The following SKP1 variants were observed in gnomAD, a reference collection of about 807,000 sequenced individuals.
The protein encoded by SKP1 is S-phase kinase-associated protein 1.
SKP1 carries 1 observed loss-of-function variant against 21.5 expected under a neutral mutation model. The observed-to-expected ratio is 0.05, with a 90% CI of 0.02 to 0.22. The LOEUF (loss-of-function observed/expected upper bound fraction) is 0.22, where lower values mean the gene tolerates loss of function less well. Ranked by LOEUF, SKP1 falls within the 10% of genes least tolerant of loss-of-function variation. SKP1 has a pLI of 1.00. For missense variants in SKP1, 70 were observed against 192.0 expected (o/e 0.36, Z 3.76); for synonymous variants, 59 against 59.3 (o/e 0.99, Z 0.03).
intron 4 of SKP1, among the ~76,000 whole-genome samples, chr5:134,160,735 G>A (rs986119070): frequency 6.6e-6 from 1 of 152,074 alleles, no homozygotes; most frequent in Admixed American, 6.5e-5. Flanking sequence ...ACCTAGTTCT[G>A]TCTATATATT....
Position 134,151,953 on chromosome 5 carries a change from C to T in SKP1, c.*5780G>A, listed in dbSNP as rs776755307. On this transcript the variant is annotated 3_prime_UTR_variant, in exon 6 of 6. Coordinates refer to ENST00000353411, the MANE Select transcript of SKP1 (RefSeq NM_170679.3). ...ATGCCTCAGCAGAAAGGATAACATT[C>T]AGCCAATCCTGCTTAGGTGTCCAAA... The T allele has an allele frequency of 3.6e-5, 10 of 276,062 alleles. No individual in the cohort carries two copies. Among genetic ancestry groups the T allele is most frequent in the Non-Finnish European group, 5.2e-5 (7 of 134,192 alleles). The allele number at this position is 276,062 out of a possible 1,614,324, so 17.1% of individuals were successfully genotyped here.
At position 134,154,097 on chromosome 5, in the gene SKP1, T is replaced by C. The variant is rs1447638840; in HGVS notation, c.*3636A>G. ...CAGTATCTATTTTGTATACCAAGAA[T>C]AGATTAAGGCAAGCTAACACATGGC... On this transcript the variant is annotated 3_prime_UTR_variant, in exon 6 of 6. Transcript: ENST00000353411. 3 of 152,114 alleles carry C rather than the reference T, an allele frequency of 2.0e-5. No individual in the cohort carries two copies. Among genetic ancestry groups the C allele is most frequent in the African/African-American group, 4.8e-5 (2 of 41,422 alleles). The allele number at this position is 152,114 out of a possible 1,614,324, so 9.4% of individuals were successfully genotyped here. A position where few individuals can be genotyped will look rare whatever the true frequency, so the allele number is the denominator to read the frequency against.
In SKP1 at chr5:134,150,531, A is replaced by C. The variant is rs899802171; in HGVS notation, c.*7202T>G. On this transcript the variant is annotated 3_prime_UTR_variant, in exon 6 of 6. Coordinates refer to ENST00000353411, the MANE Select transcript of SKP1 (RefSeq NM_170679.3). ...AGGCCTATATGTCAAAGTAGAATTT[A>C]AGACCCAAATCTAGTTAATTGTATA... The C allele has an allele frequency of 6.6e-6, 1 of 152,226 alleles. No individual in the cohort carries two copies. The highest frequency in any genetic ancestry group is 2.4e-5 in the African/African-American group (1 of 41,452). 9.4% of individuals were successfully genotyped at this position (152,226 alleles called of 1,614,324 possible). A position where few individuals can be genotyped will look rare whatever the true frequency, so the allele number is the denominator to read the frequency against.
chr5:134,157,954 T>C (rs1265771543), intron 5 of SKP1, 186 bp from the exon 6 acceptor site: 1 of 1,525,114 alleles, frequency 6.6e-7, no homozygotes, highest in Non-Finnish European at 8.8e-7. Context: ...GTTTTTATTC[T>C]GCCCTGCTGA....
rs200999371 is a variant in SKP1 at position 134,152,192 on chromosome 5, AT to A, written c.*5540del. 6.6e-6 allele frequency: 1 copy of A among 151,360 alleles called. No individual in the cohort carries two copies. The highest frequency in any genetic ancestry group is 2.5e-5 in the African/African-American group (1 of 40,648). The allele number at this position is 151,360 out of a possible 1,614,324, so 9.4% of individuals were successfully genotyped here. On this transcript the variant is annotated 3_prime_UTR_variant, in exon 6 of 6. Transcript: ENST00000353411. ...AGTTGAACAGCCAAAAAATAAATAA[AT>A]AAAAATTAAAATTAAAAAAATTAGA...
chr5:134,174,404 G>T, intron 1 of SKP1: 1 of 719,336 alleles, frequency 1.4e-6, no homozygotes, highest in Non-Finnish European at 1.7e-6. Context: ...AGGAAGGTCA[G>T]TCCAAAACAA....
intron 2 of SKP1, among the ~76,000 whole-genome samples, chr5:134,168,208 T>A (rs1761369905): frequency 6.6e-6 from 1 of 152,178 alleles, no homozygotes; most frequent in Non-Finnish European, 1.5e-5. Context: ...CTGAAAAAAT[T>A]AAAGATGGAC....
chr5:134,173,012 C>CA (rs199935510), intron 2 of SKP1, among the ~76,000 whole-genome samples: 10,513 of 94,516 alleles, frequency 0.11, 513 homozygotes, highest in Middle Eastern at 0.21. Flanking sequence ...GACTCCGTCT[C>CA]AAAAAAAAAA....
At chr5:134,176,672 C>A in intron 1 of SKP1, 183 bp downstream of exon 1, 1 of 152,524 alleles carries the variant, frequency 6.6e-6, no homozygotes, top group Non-Finnish European at 1.5e-5. Context: ...GGGGGCGGGG[C>A]AGGTGAACGG....
chr5:134,159,673 G>A (rs1313962457), intron 4 of SKP1, among the ~76,000 whole-genome samples: 2 of 151,672 alleles, frequency 1.3e-5, no homozygotes, highest in South Asian at 2.1e-4. Flanking sequence ...TCGGCCTCCC[G>A]AGTAGCTGAG....
intron 4 of SKP1, 71 bp from the exon 5 acceptor site, chr5:134,158,666 C>T (rs1422331937): frequency 1.6e-6 from 2 of 1,241,478 alleles, no homozygotes; most frequent in South Asian, 1.2e-5. Flanking sequence ...TAATGATTGA[C>T]ACTCCGTATC....
chr5:134,151,678 C>G lies in SKP1; in HGVS notation c.*6055G>C, dbSNP rs572130423. 2.6e-5 allele frequency: 12 copies of G among 456,096 alleles called. No homozygotes were observed. Among genetic ancestry groups the G allele is most frequent in the Non-Finnish European group, 3.1e-5 (7 of 226,886 alleles). 28.3% of individuals were successfully genotyped at this position (456,096 alleles called of 1,614,324 possible). ...CAGAAAATTTAAAGTTGACAGATAT[C>G]AGAAGGTCGCAAGAACTACAGATGT... On this transcript the variant is annotated 3_prime_UTR_variant, in exon 6 of 6. Coordinates refer to ENST00000353411, the MANE Select transcript of SKP1 (RefSeq NM_170679.3).
rs1580924228 is a variant in SKP1, at chr5:134,158,127, T to C, written c.456+328A>G. ...TAAGTTGCTCTAAAGTACCCTAGTA[T>C]ATACTTCTCTCTAGGGCCTGCTTTT... On this transcript the variant is annotated intron_variant, in intron 5 of 5. Coordinates refer to ENST00000353411, the MANE Select transcript of SKP1 (RefSeq NM_170679.3). 8.0e-6 allele frequency: 11 copies of C among 1,381,092 alleles called. No individual in the cohort carries two copies. The East Asian group carries it at 2.2e-4, about 27-fold the overall frequency. The allele number at this position is 1,381,092 out of a possible 1,614,324, so 85.6% of individuals were successfully genotyped here.
In SKP1 at chr5:134,167,098, T is replaced by C. The variant is rs1259658023; in HGVS notation, c.171+72A>G. ...AATTATAAAATTCTAACATAGATTGTTGAATTACTTGTATTAATCAATTGG... is the reference window on the plus strand; with the variant it reads ...AATTATAAAATTCTAACATAGATTGCTGAATTACTTGTATTAATCAATTGG... On this transcript the variant is annotated intron_variant, in intron 3 of 5. Transcript: ENST00000353411. 1.3e-5 allele frequency: 10 copies of C among 744,496 alleles called. No homozygotes were observed. The Admixed American group carries it at 1.4e-4, about 11-fold the overall frequency. 46.1% of individuals were successfully genotyped at this position (744,496 alleles called of 1,614,324 possible).
chr5:134,164,830 A>C (rs1477300950), intron 3 of SKP1, among the ~76,000 whole-genome samples: 2 of 152,248 alleles, frequency 1.3e-5, no homozygotes, highest in African/African-American at 4.8e-5. Flanking sequence ...AAAATGGTTA[A>C]GGTGGTAAAT....
chr5:134,156,270 T>C lies in SKP1; in HGVS notation c.*1463A>G, dbSNP rs1317462679. The C allele has an allele frequency of 6.7e-6, 1 of 149,492 alleles. No homozygotes were observed. The highest frequency in any genetic ancestry group is 2.5e-5 in the African/African-American group (1 of 40,456). The allele number at this position is 149,492 out of a possible 1,614,324, so 9.3% of individuals were successfully genotyped here. ...GAGAGAGAGAGAGAGAGAGAGAATTTTAAATAACTCTTTACAACGTAAAAA... is the reference window on the plus strand; with the variant it reads ...GAGAGAGAGAGAGAGAGAGAGAATTCTAAATAACTCTTTACAACGTAAAAA... On this transcript the variant is annotated 3_prime_UTR_variant, in exon 6 of 6. Transcript: ENST00000353411.
rs1009079831 is a variant in SKP1, at chr5:134,153,485, AAAG to A, written c.*4245_*4247del. The A allele has an allele frequency of 2.0e-5, 3 of 152,332 alleles. No individual in the cohort carries two copies. The highest frequency in any genetic ancestry group is 7.2e-5 in the African/African-American group (3 of 41,434). 9.4% of individuals were successfully genotyped at this position (152,332 alleles called of 1,614,324 possible). A position where few individuals can be genotyped will look rare whatever the true frequency, so the allele number is the denominator to read the frequency against. On this transcript the variant is annotated 3_prime_UTR_variant, in exon 6 of 6. Coordinates refer to ENST00000353411, the MANE Select transcript of SKP1 (RefSeq NM_170679.3). ...GGCAGAGGTGAGACCTTGTCTCTTA[AAAG>A]AAGAATCAAAAAGCTCTTCGGGCTA... is the stretch of plus-strand genomic sequence containing the variant.
At position 134,153,208 on chromosome 5, in the gene SKP1, A is replaced by C. The variant is rs577553114; in HGVS notation, c.*4525T>G. ...GAAAAATTGGTGGGTGCTGTGGCTC[A>C]CATCTGTAATACCAGCACTTTGGGA... On this transcript the variant is annotated 3_prime_UTR_variant, in exon 6 of 6. Coordinates refer to ENST00000353411, the MANE Select transcript of SKP1 (RefSeq NM_170679.3). The C allele has an allele frequency of 6.6e-6, 1 of 152,344 alleles. No homozygotes were observed. Among genetic ancestry groups the C allele is most frequent in the Non-Finnish European group, 1.5e-5 (1 of 68,048 alleles). 9.4% of individuals were successfully genotyped at this position (152,344 alleles called of 1,614,324 possible).
intron 2 of SKP1, among the ~76,000 whole-genome samples, chr5:134,169,143 T>G (rs187213291): frequency 1.1e-3 from 175 of 152,332 alleles, no homozygotes; most frequent in Non-Finnish European, 2.2e-3. Flanking sequence ...CATCAAATGA[T>G]GTCAACAGGT....
Sources: allele counts gnomAD v4.1 joint callset (sites outside exome capture counted in the v4.1 genomes callset), GRCh38; gene constraint gnomAD v4.1.1; transcripts MANE v1.5; gene names NCBI Gene and HGNC (gene_info 2026-07-23, HGNC 2026-07-21).